The following PRPF38A variants were observed in gnomAD, a reference collection of about 807,000 sequenced individuals.
PRPF38A encodes the protein pre-mRNA processing factor 38A, also known as pre-mRNA-splicing factor 38A.
Under a neutral mutation model 46.8 loss-of-function variants are expected in PRPF38A, and 11 were observed. That is an observed-to-expected ratio of 0.24 (90% CI 0.15 to 0.39). The LOEUF (loss-of-function observed/expected upper bound fraction) is 0.39. Ranked by LOEUF, PRPF38A falls within the 10% of genes least tolerant of loss-of-function variation. PRPF38A has a pLI of 1.00. For synonymous variants in PRPF38A, 124 were observed against 136.2 expected, an observed-to-expected ratio of 0.91 and a Z score of 0.62; for missense variants, 261 against 407.5, an observed-to-expected ratio of 0.64 and a Z score of 3.10.
intron 2 of PRPF38A, among the ~76,000 whole-genome samples, chr1:52,406,216 A>G (rs1557590726): frequency 6.6e-6 from 1 of 151,904 alleles, no homozygotes; most frequent in Non-Finnish European, 1.5e-5. Context: ...CTCGAACTCC[A>G]GACTTCAGGT....
At chr1:52,408,891 C>T (rs1393736089) in intron 3 of PRPF38A, 6 of 501,290 alleles carry the variant, frequency 1.2e-5, no homozygotes, top group Non-Finnish European at 2.1e-5. Flanking sequence ...CCCAGCCTGC[C>T]TCTGTCTGTC....
chr1:52,414,575 A>C, intron 6 of PRPF38A, 46 bp from the exon 7 acceptor site: 1 of 1,609,968 alleles, frequency 6.2e-7, no homozygotes, highest in Non-Finnish European at 8.5e-7. Flanking sequence ...AATCTACCAC[A>C]TCCAGTGCGC....
chr1:52,416,689 A>G lies in PRPF38A; in HGVS notation c.938A>G (p.Ter313=), dbSNP rs753078628. Residue 313 remains the stop codon, a stop_retained_variant, in exon 10 of 10, where the codon TAA becomes TGA. Transcript: ENST00000257181. ...AAGAAGAGCCGGAGAGGGAATGAGT[A>G]ATGGACTCAGTTTGGTTTTAGTCCA... ...SHKKSRRGNE[*] 1.2e-6 allele frequency: 2 copies of G among 1,611,558 alleles called. No individual in the cohort carries two copies. Among genetic ancestry groups the G allele is most frequent in the Admixed American group, 3.3e-5 (2 of 60,014 alleles).
At position 52,419,356 on chromosome 1, in the gene PRPF38A, CAA is replaced by C. The variant is rs58201258; in HGVS notation, c.*2681_*2682del. 55 of 92,258 alleles carry C rather than the reference CAA, an allele frequency of 6.0e-4. No individual in the cohort carries two copies. The highest frequency in any genetic ancestry group is 1.0e-3 in the South Asian group (3 of 2,978). 5.7% of individuals were successfully genotyped at this position (92,258 alleles called of 1,614,324 possible). A position where few individuals can be genotyped will look rare whatever the true frequency, so the allele number is the denominator to read the frequency against. The stretch of plus-strand genomic sequence containing the variant: ...GGGCAAAAAGAGCGAAACTCCATCT[CAA>C]AAAAAAAAAAAAAAGAAGAAGAAGA... On this transcript the variant is annotated 3_prime_UTR_variant, in exon 10 of 10. Transcript: ENST00000257181.
chr1:52,406,675 C>T (rs956411198), intron 2 of PRPF38A, among the ~76,000 whole-genome samples: 8 of 152,182 alleles, frequency 5.3e-5, no homozygotes, highest in Non-Finnish European at 8.8e-5. Flanking sequence ...AGCTTATTAC[C>T]GTATTACCGA....
chr1:52,413,876 C>T lies in PRPF38A; in HGVS notation c.610-3C>T, dbSNP rs767984542. On this transcript the variant is annotated splice_region_variant and splice_polypyrimidine_tract_variant and intron_variant, in intron 5 of 9. Transcript: ENST00000257181. ...TTCAATGACCCAATCATCTTGTTTCCAGTTGGAAAGAGTGCCATCACCTGA... is the reference window on the plus strand; with the variant it reads ...TTCAATGACCCAATCATCTTGTTTCTAGTTGGAAAGAGTGCCATCACCTGA... The T allele has an allele frequency of 2.0e-5, 32 of 1,601,512 alleles. No homozygotes were observed. Among genetic ancestry groups the T allele is most frequent in the Non-Finnish European group, 2.7e-5 (31 of 1,168,778 alleles).
chr1:52,413,392 A>C (rs1648203815), intron 5 of PRPF38A, among the ~76,000 whole-genome samples: 2 of 152,014 alleles, frequency 1.3e-5, no homozygotes, highest in Admixed American at 1.3e-4. Context: ...CAAGCTGCCC[A>C]GTTGTTCCAG....
chr1:52,414,698 G>T (rs777089965), intron 7 of PRPF38A, 51 bp downstream of exon 7: 1 of 1,613,370 alleles, frequency 6.2e-7, no homozygotes, highest in Non-Finnish European at 8.5e-7. Context: ...GGAGGGGGTG[G>T]TGGTATTGGT....
chr1:52,412,278 A>G (rs986129703), intron 4 of PRPF38A, among the ~76,000 whole-genome samples: 1 of 152,188 alleles, frequency 6.6e-6, no homozygotes. Flanking sequence ...TTTAGAGTAT[A>G]AGGTACAGGG....
At position 52,414,007 on chromosome 1, in the gene PRPF38A, T is replaced by C. The variant is rs1458566726; in HGVS notation, c.722+16T>C. 1 of 1,549,320 alleles carries C rather than the reference T, an allele frequency of 6.5e-7. No homozygotes were observed. Among genetic ancestry groups the C allele is most frequent in the East Asian group, 2.2e-5 (1 of 44,576 alleles). The stretch of plus-strand genomic sequence containing the variant: ...CTCCCAGAAGGTAAAGCCTAGTCAT[T>C]GGCCTTTTCCCAGAAGATTTTGAGC... On this transcript the variant is annotated intron_variant, in intron 6 of 9. Coordinates refer to ENST00000257181, the MANE Select transcript of PRPF38A (RefSeq NM_032864.4).
intron 3 of PRPF38A, 62 bp from the exon 4 acceptor site, chr1:52,411,053 T>A: frequency 8.2e-7 from 1 of 1,213,058 alleles, no homozygotes. Flanking sequence ...ACACTTCTTT[T>A]ACTTTTTGGC....
At chr1:52,410,618 C>T (rs1004372378) in intron 3 of PRPF38A, among the ~76,000 whole-genome samples, 2 of 151,812 alleles carry the variant, frequency 1.3e-5, no homozygotes, top group Admixed American at 6.6e-5. Context: ...TCTCCTGCCT[C>T]AGCCTCTTGA....
At chr1:52,413,149 C>G (rs2147958163) in intron 5 of PRPF38A, among the ~76,000 whole-genome samples, 1 of 152,060 alleles carries the variant, frequency 6.6e-6, no homozygotes, top group South Asian at 2.1e-4. Context: ...TACTTTTTTC[C>G]CCAAGACTGT....
In PRPF38A at chr1:52,416,640, C is replaced by T. The variant is rs575083957; in HGVS notation, c.897-8C>T. On this transcript the variant is annotated splice_region_variant and splice_polypyrimidine_tract_variant and intron_variant, in intron 9 of 9. Transcript: ENST00000257181. ...TAATATAATTATTTATATGTGTTGC[C>T]ATTTCAGGTCTAAGAAGAGCCACAA... is the stretch of plus-strand genomic sequence containing the variant. The T allele has an allele frequency of 6.2e-7, 1 of 1,609,714 alleles. No homozygotes were observed. Among genetic ancestry groups the T allele is most frequent in the East Asian group, 2.2e-5 (1 of 44,838 alleles).
In PRPF38A at chr1:52,419,959, A is replaced by C. The variant is rs1648420176; in HGVS notation, c.*3269A>C. 6.6e-6 allele frequency: 1 copy of C among 152,394 alleles called. No individual in the cohort carries two copies. 9.4% of individuals were successfully genotyped at this position (152,394 alleles called of 1,614,324 possible). A position where few individuals can be genotyped will look rare whatever the true frequency, so the allele number is the denominator to read the frequency against. On this transcript the variant is annotated 3_prime_UTR_variant, in exon 10 of 10. Transcript: ENST00000257181. ...GAGGCTGAGGCAGGAGAATGGCGTG[A>C]ATCCGGGAGGCGGAGCTTTCAGTGA... is the stretch of plus-strand genomic sequence containing the variant.
chr1:52,405,693 CGA>C lies in PRPF38A; in HGVS notation c.145_146del (p.Asp49Ter), dbSNP rs1471443427. The C allele has an allele frequency of 6.2e-7, 1 of 1,613,000 alleles. No homozygotes were observed. The highest frequency in any genetic ancestry group is 1.7e-5 in the Admixed American group (1 of 59,966). ...TTTGTTTTTTAGCTGAACTTGTAGT[CGA>C]TAAAGCCATGGAGTTAAGGTTTGTG... ...CFGLTAELVV[D>X]KAMELRFVGG... On this transcript the variant is annotated frameshift_variant, in exon 2 of 10. Transcript: ENST00000257181. LOFTEE classifies it high-confidence loss of function.
chr1:52,414,707 G>A, intron 7 of PRPF38A, 55 bp from the exon 8 acceptor site: 1 of 1,613,522 alleles, frequency 6.2e-7, no homozygotes. Context: ...GGTGGTATTG[G>A]TGTTATATGT....
In PRPF38A at chr1:52,411,193, G is replaced by C; in HGVS notation, c.491G>C (p.Arg164Pro). ...SERVCDIILP[R>P]LQKRYVLEEA... ...AGAGTCTGTGATATCATTCTGCCCC[G>C]ACTACAGGTAAGAAATAAAAGTCTG... The change falls in exon 4 of 10, where the codon CGA (arginine) becomes CCA (proline). Residue 164 changes from arginine (R) to proline (P), a missense_variant. Coordinates refer to ENST00000257181, the MANE Select transcript of PRPF38A (RefSeq NM_032864.4). 1.2e-6 allele frequency: 2 copies of C among 1,610,944 alleles called. No individual in the cohort carries two copies. The highest frequency in any genetic ancestry group is 1.7e-6 in the Non-Finnish European group (2 of 1,177,586).
intron 6 of PRPF38A, 57 bp downstream of exon 6, chr1:52,414,048 T>A: frequency 8.2e-7 from 1 of 1,214,628 alleles, no homozygotes; most frequent in Non-Finnish European, 1.2e-6. Context: ...AGCCTAGAAG[T>A]TTGGATTTTA....
Sources: gnomAD v4.1 joint callset for allele counts (sites outside exome capture counted in the v4.1 genomes callset) on GRCh38, gnomAD v4.1.1 for gene constraint, MANE v1.5 for transcripts, NCBI Gene and HGNC (gene_info 2026-07-23, HGNC 2026-07-21) for gene names.